Variants in FAT3 observed in about 807,000 individuals in gnomAD.
FAT3 encodes FAT atypical cadherin 3.
A neutral mutation model predicts 310.2 loss-of-function variants in FAT3; 95 were observed. That is an observed-to-expected ratio of 0.31 (90% confidence interval 0.26 to 0.36). FAT3 has a LOEUF of 0.36. FAT3 is among the 10% of genes least tolerant of loss of function. The pLI is 1.00. For missense variants in FAT3, 5,408 were observed against 5,715.6 expected (o/e 0.95, Z 1.74); for synonymous variants, 2,314 against 2,192.9 (o/e 1.06, Z -1.54).
intron 3 of FAT3, among the ~76,000 whole-genome samples, chr11:92,667,333 AG>A (rs1470177555): frequency 6.6e-6 from 1 of 152,072 alleles, no homozygotes; most frequent in East Asian, 1.9e-4. Context: ...GGGATGAGGT[AG>A]GTGCTTCTTG....
intron 3 of FAT3, among the ~76,000 whole-genome samples, chr11:92,570,765 AC>A (rs1231732708): frequency 3.3e-5 from 5 of 152,202 alleles, no homozygotes; most frequent in Middle Eastern, 3.2e-3. Flanking sequence ...CTGTTTGCAC[AC>A]TGTTTTGACC....
chr11:92,279,127 T>C (rs1043473273), intron 1 of FAT3, among the ~76,000 whole-genome samples: 3 of 152,200 alleles, frequency 2.0e-5, no homozygotes, highest in Non-Finnish European at 4.4e-5. Context: ...CTAAACCTTT[T>C]ATCTAAGACT....
intron 2 of FAT3, chr11:92,403,111 G>T (rs10466347): frequency 1.3e-5 from 2 of 152,216 alleles, no homozygotes; most frequent in African/African-American, 2.4e-5. Flanking sequence ...GCTTACATAC[G>T]CAGAGCTTGA....
At chr11:92,851,608 G>A (rs777970909) in intron 19 of FAT3, among the ~76,000 whole-genome samples, 1 of 152,166 alleles carries the variant, frequency 6.6e-6, no homozygotes, top group Non-Finnish European at 1.5e-5. Context: ...TGTGACAGGA[G>A]CTAAACACAT....
chr11:92,361,686 C>A (rs1317492691), intron 2 of FAT3, among the ~76,000 whole-genome samples: 3 of 151,690 alleles, frequency 2.0e-5, no homozygotes, highest in Non-Finnish European at 2.9e-5. Flanking sequence ...TTTTTTATAG[C>A]AACTTAAACT....
At chr11:92,517,338 C>A (rs2135333961) in intron 2 of FAT3, among the ~76,000 whole-genome samples, 1 of 152,220 alleles carries the variant, frequency 6.6e-6, no homozygotes, top group African/African-American at 2.4e-5. Context: ...CATTTACAAC[C>A]ATCTGATCTT....
intron 2 of FAT3, among the ~76,000 whole-genome samples, chr11:92,357,635 A>G (rs1022942167): frequency 6.6e-6 from 1 of 152,064 alleles, no homozygotes; most frequent in African/African-American, 2.4e-5. Context: ...GAGCTGAATC[A>G]TTCACCACTG....
intron 3 of FAT3, among the ~76,000 whole-genome samples, chr11:92,618,337 T>C (rs1280971277): frequency 6.6e-6 from 1 of 152,164 alleles, no homozygotes; most frequent in Non-Finnish European, 1.5e-5. Context: ...AAAAGTGCAG[T>C]ATTAGGGGTG....
chr11:92,690,256 A>G (rs1018996587), intron 3 of FAT3, among the ~76,000 whole-genome samples: 4 of 152,226 alleles, frequency 2.6e-5, no homozygotes, highest in African/African-American at 9.6e-5. Context: ...ACAGCCATAA[A>G]CCATGTTTGA....
At chr11:92,403,994 C>T (rs1341933739) in intron 2 of FAT3, among the ~76,000 whole-genome samples, 2 of 151,790 alleles carry the variant, frequency 1.3e-5, no homozygotes, top group Non-Finnish European at 2.9e-5. Flanking sequence ...AAGATTGTGC[C>T]ACTGCACTCC....
intron 2 of FAT3, among the ~76,000 whole-genome samples, chr11:92,504,224 A>G (rs971399494): frequency 6.6e-6 from 1 of 152,198 alleles, no homozygotes; most frequent in Non-Finnish European, 1.5e-5. Flanking sequence ...TGAATGAGCC[A>G]GACTTCTTGG....
At chr11:92,416,503 G>T (rs563314217) in intron 2 of FAT3, among the ~76,000 whole-genome samples, 1 of 152,258 alleles carries the variant, frequency 6.6e-6, no homozygotes, top group African/African-American at 2.4e-5. Flanking sequence ...TTGGGAAAAT[G>T]GATAGTGTAT....
At chr11:92,456,752 A>G (rs74468042) in intron 2 of FAT3, among the ~76,000 whole-genome samples, 8,399 of 152,252 alleles carry the variant, frequency 0.055, 484 homozygotes, top group African/African-American at 0.14. Context: ...AATATTTATC[A>G]GCCATTTATT....
rs114011538 is a variant in FAT3 at position 92,648,253 on chromosome 11, G to T, written c.3608-49131G>T. 3.8e-3 allele frequency among the ~76,000 whole-genome samples: 586 copies of T among 152,330 alleles called. 3 individuals are homozygous for T. The highest frequency in any genetic ancestry group is 0.013 in the African/African-American group (556 of 41,586). ...TTGGAGGAATGAGGCTTTCTGCAAAGAATGTATATGAAGATGATTACTTGA... is the reference window on the plus strand; with the variant it reads ...TTGGAGGAATGAGGCTTTCTGCAAATAATGTATATGAAGATGATTACTTGA... On this transcript the variant is annotated intron_variant, in intron 3 of 27. Transcript: ENST00000525166.
At chr11:92,227,846 C>CA (rs1234472177) in intron 1 of FAT3, among the ~76,000 whole-genome samples, 187 of 139,592 alleles carry the variant, frequency 1.3e-3, no homozygotes, top group African/African-American at 3.8e-3. Context: ...GAGACAAAGA[C>CA]AAAAAAAAAG....
At chr11:92,476,271 G>A (rs1228100455) in intron 2 of FAT3, among the ~76,000 whole-genome samples, 3 of 152,148 alleles carry the variant, frequency 2.0e-5, no homozygotes, top group Admixed American at 6.5e-5. Context: ...GAAAGCAATT[G>A]ACCAGATGGA....
chr11:92,426,557 G>A (rs753775937), intron 2 of FAT3, among the ~76,000 whole-genome samples: 6 of 152,130 alleles, frequency 3.9e-5, no homozygotes, highest in Admixed American at 6.6e-5. Flanking sequence ...TTTGTATAAG[G>A]TGTAAGGAAG....
At chr11:92,889,523 T>C (rs999704439) in intron 26 of FAT3, among the ~76,000 whole-genome samples, 12 of 152,204 alleles carry the variant, frequency 7.9e-5, no homozygotes, top group African/African-American at 2.9e-4. Context: ...AAATTTATCT[T>C]TATATTCAAC....
chr11:92,465,521 ATTGTGGTT>A (rs1951736661), intron 2 of FAT3, among the ~76,000 whole-genome samples: 1 of 151,532 alleles, frequency 6.6e-6, no homozygotes, highest in Admixed American at 6.6e-5. Context: ...ATGGTATCTC[ATTGTGGTT>A]TTGATTTGCA....
Sources: allele counts gnomAD v4.1 joint callset (sites outside exome capture counted in the v4.1 genomes callset), GRCh38; gene constraint gnomAD v4.1.1; transcripts MANE v1.5; gene names NCBI Gene and HGNC (gene_info 2026-07-23, HGNC 2026-07-21).